FHL5: variants seen among roughly 807,000 people sequenced by gnomAD.
FHL5 encodes four and a half LIM domains protein 5.
In FHL5, 33 loss-of-function variants were observed where a neutral mutation model predicts 32.0. That is an observed-to-expected ratio of 1.03 (90% confidence interval 0.78 to 1.38). The LOEUF (loss-of-function observed/expected upper bound fraction) is 1.38, where lower values mean the gene tolerates loss of function less well. FHL5 is among the 40% of genes most tolerant of loss of function. The pLI, the probability that FHL5 is intolerant of heterozygous loss-of-function variation, is 0.00. For missense variants in FHL5, 336 were observed against 343.9 expected (o/e 0.98, Z 0.18); for synonymous variants, 114 against 113.6 (o/e 1.00, Z -0.02).
intron 1 of FHL5, among the ~76,000 whole-genome samples, chr6:96,573,436 A>ATAAAAATGATTTCATTTT (rs1770521059): frequency 6.6e-6 from 1 of 152,128 alleles, no homozygotes; most frequent in Admixed American, 6.5e-5. Flanking sequence ...GATTTCATTT[A>ATAAAAATGATTTCATTTT]TAAAAATGAT....
intron 1 of FHL5, among the ~76,000 whole-genome samples, chr6:96,594,053 A>G (rs1474094664): frequency 6.6e-6 from 1 of 151,362 alleles, no homozygotes; most frequent in Non-Finnish European, 1.5e-5. Context: ...CAGTCTGCTG[A>G]TAATCTTATC....
chr6:96,610,267 T>C (rs550254160), intron 4 of FHL5, among the ~76,000 whole-genome samples: 1 of 152,338 alleles, frequency 6.6e-6, no homozygotes, highest in African/African-American at 2.4e-5. Flanking sequence ...GCCTCTGTTC[T>C]ATTTCATTGT....
rs370130479 is a variant in FHL5, at chr6:96,606,542, G to C, written c.504+471G>C. On this transcript the variant is annotated intron_variant, in intron 4 of 5. Transcript: ENST00000450218. ...AATTTTTGTATTTTTAGTAGAGACA[G>C]GGTTTCACCATGTTGGCTAGTCTGG... Among the ~76,000 whole-genome samples, 179 of 152,166 alleles carry C rather than the reference G, an allele frequency of 1.2e-3. 1 individual carries two copies. Among genetic ancestry groups the C allele is most frequent in the African/African-American group, 4.1e-3 (172 of 41,506 alleles).
chr6:96,588,069 T>G (rs958732613), intron 1 of FHL5, among the ~76,000 whole-genome samples: 1 of 152,232 alleles, frequency 6.6e-6, no homozygotes, highest in South Asian at 2.1e-4. Flanking sequence ...CTCTCAAATT[T>G]ACACACTTAG....
At chr6:96,602,767 T>C (rs1771182104) in intron 1 of FHL5, among the ~76,000 whole-genome samples, 1 of 152,234 alleles carries the variant, frequency 6.6e-6, no homozygotes, top group Non-Finnish European at 1.5e-5. Flanking sequence ...TGCTATTATT[T>C]ATGCTCTATA....
rs759358993 is a variant in FHL5, at chr6:96,605,928, A to C, written c.361A>C (p.Asn121His). 8.7e-6 allele frequency: 14 copies of C among 1,614,076 alleles called. No homozygotes were observed. Among genetic ancestry groups the C allele is most frequent in the East Asian group, 2.2e-5 (1 of 44,864 alleles). Residue 121 changes from asparagine (N) to histidine (H), a missense_variant, in exon 4 of 6, where the codon AAC (asparagine) becomes CAC (histidine). Coordinates refer to ENST00000450218, the MANE Select transcript of FHL5 (RefSeq NM_001322466.2). ...PGSRKMEFKGNYWHETCFVCE... is the reference protein window; with the variant it reads ...PGSRKMEFKGHYWHETCFVCE... ...TTCCCGCAAAATGGAATTTAAGGGA[A>C]ACTACTGGCATGAAACCTGTTTTGT... is the stretch of plus-strand genomic sequence containing the variant.
intron 1 of FHL5, among the ~76,000 whole-genome samples, chr6:96,602,597 A>G (rs1287066851): frequency 6.6e-6 from 1 of 151,460 alleles, no homozygotes; most frequent in Non-Finnish European, 1.5e-5. Context: ...CAGGCTGTGC[A>G]TTGTTTCTTA....
chr6:96,615,833 A>G lies in FHL5; in HGVS notation c.*61A>G. The G allele has an allele frequency of 7.3e-7, 1 of 1,366,094 alleles. No individual in the cohort carries two copies. Among genetic ancestry groups the G allele is most frequent in the Non-Finnish European group, 9.9e-7 (1 of 1,009,162 alleles). 84.6% of individuals were successfully genotyped at this position (1,366,094 alleles called of 1,614,324 possible). ...TTCGTTGTCACTAAAGCCAGAACTC[A>G]GTTGCGGTCTTATTTTTGACTTAAG... On this transcript the variant is annotated 3_prime_UTR_variant, in exon 6 of 6. Coordinates refer to ENST00000450218, the MANE Select transcript of FHL5 (RefSeq NM_001322466.2).
At position 96,615,963 on chromosome 6, in the gene FHL5, T is replaced by G. The variant is rs1475273365; in HGVS notation, c.*191T>G. The G allele has an allele frequency of 1.6e-5, 7 of 430,024 alleles. No homozygotes were observed. Among genetic ancestry groups the G allele is most frequent in the Non-Finnish European group, 2.9e-5 (7 of 245,276 alleles). The allele number at this position is 430,024 out of a possible 1,614,324, so 26.6% of individuals were successfully genotyped here. On this transcript the variant is annotated 3_prime_UTR_variant, in exon 6 of 6. Coordinates refer to ENST00000450218, the MANE Select transcript of FHL5 (RefSeq NM_001322466.2). ...AAGCACAGTAGAACAGAAATGAATA[T>G]ATGCTAAATCACAAAGACAACTCTC...
intron 1 of FHL5, among the ~76,000 whole-genome samples, chr6:96,596,901 A>T (rs541596684): frequency 1.2e-4 from 19 of 152,092 alleles, no homozygotes; most frequent in Non-Finnish European, 2.2e-4. Context: ...TAATTCTACC[A>T]GGAACCGTAT....
intron 1 of FHL5, among the ~76,000 whole-genome samples, chr6:96,592,522 C>G (rs1334565087): frequency 6.6e-6 from 1 of 152,028 alleles, no homozygotes; most frequent in African/African-American, 2.4e-5. Context: ...ATCACAGGGT[C>G]CTGAGGCAAC....
chr6:96,577,150 A>G (rs560580233), intron 1 of FHL5, among the ~76,000 whole-genome samples: 4 of 152,304 alleles, frequency 2.6e-5, no homozygotes, highest in Admixed American at 2.0e-4. Context: ...TAAATATCAA[A>G]TGGCCAACTC....
At chr6:96,568,544 T>C (rs775295998) in intron 1 of FHL5, among the ~76,000 whole-genome samples, 12 of 151,978 alleles carry the variant, frequency 7.9e-5, no homozygotes, top group Non-Finnish European at 1.8e-4. Context: ...TTTGTATTAG[T>C]TCTTCTATAA....
At chr6:96,578,736 G>A (rs112834714) in intron 1 of FHL5, among the ~76,000 whole-genome samples, 1,619 of 152,194 alleles carry the variant, frequency 0.011, 29 homozygotes, top group African/African-American at 0.037. Context: ...CAGCTACTCC[G>A]GAGGCTGAGA....
chr6:96,580,110 C>T (rs1163566376), intron 1 of FHL5, among the ~76,000 whole-genome samples: 1 of 152,136 alleles, frequency 6.6e-6, no homozygotes, highest in Non-Finnish European at 1.5e-5. Flanking sequence ...AGAAAGGATG[C>T]TTACCACACC....
At chr6:96,582,722 A>T (rs1024683227) in intron 1 of FHL5, among the ~76,000 whole-genome samples, 3 of 152,154 alleles carry the variant, frequency 2.0e-5, no homozygotes, top group Non-Finnish European at 4.4e-5. Context: ...CTAATATCAA[A>T]CATTCCACCA....
At chr6:96,607,981 T>A (rs1482131443) in intron 4 of FHL5, among the ~76,000 whole-genome samples, 2 of 151,854 alleles carry the variant, frequency 1.3e-5, no homozygotes, top group Non-Finnish European at 1.5e-5. Context: ...GACAATGAGA[T>A]CCTATCTCTA....
chr6:96,573,185 G>C (rs1770515775), intron 1 of FHL5, among the ~76,000 whole-genome samples: 1 of 152,034 alleles, frequency 6.6e-6, no homozygotes, highest in African/African-American at 2.4e-5. Flanking sequence ...AAAAGTCAAG[G>C]TGTTCAATTT....
At chr6:96,580,364 T>C (rs1352267575) in intron 1 of FHL5, among the ~76,000 whole-genome samples, 1 of 152,192 alleles carries the variant, frequency 6.6e-6, no homozygotes, top group Admixed American at 6.6e-5. Flanking sequence ...TTGCTCTCAA[T>C]GAGTTTACAA....
Sources: gnomAD v4.1 joint callset for allele counts (sites outside exome capture counted in the v4.1 genomes callset) on GRCh38, gnomAD v4.1.1 for gene constraint, MANE v1.5 for transcripts, NCBI Gene and HGNC (gene_info 2026-07-23, HGNC 2026-07-21) for gene names.